ANK3: variants seen among roughly 807,000 people sequenced by gnomAD.
ANK3 encodes the protein ankyrin-3.
A neutral mutation model predicts 370.9 loss-of-function variants in ANK3; 57 were observed. That is an observed-to-expected ratio of 0.15 (90% CI 0.12 to 0.19). The LOEUF is 0.19. Among genes scored for constraint, ANK3 ranks in the 10% least tolerant of loss-of-function variants. ANK3 has a pLI of 1.00. For missense variants in ANK3, 4,439 were observed against 5,302.1 expected (o/e 0.84, Z 5.06); for synonymous variants, 1,929 against 1,946.3 (o/e 0.99, Z 0.23).
intron 1 of ANK3, among the ~76,000 whole-genome samples, chr10:60,689,435 T>C (rs993003435): frequency 5.3e-5 from 8 of 152,136 alleles, no homozygotes; most frequent in African/African-American, 1.7e-4. Flanking sequence ...ATTTATCAAA[T>C]GAAATCACTT....
chr10:60,202,311 G>A (rs970154496), intron 12 of ANK3, among the ~76,000 whole-genome samples: 1 of 151,506 alleles, frequency 6.6e-6, no homozygotes, highest in African/African-American at 2.4e-5. Context: ...TAGTAGAGAC[G>A]GGGGATTCTC....
intron 43 of ANK3, among the ~76,000 whole-genome samples, chr10:60,040,813 G>A (rs539238260): frequency 6.6e-6 from 1 of 152,234 alleles, no homozygotes; most frequent in African/African-American, 2.4e-5. Context: ...GAATATGATT[G>A]AACAAGCTGC....
intron 2 of ANK3, among the ~76,000 whole-genome samples, chr10:60,430,444 G>C (rs573005686): frequency 6.6e-6 from 1 of 151,628 alleles, no homozygotes; most frequent in African/African-American, 2.4e-5. Context: ...ACTCCAAACT[G>C]GCAGGGCTTC....
intron 1 of ANK3, among the ~76,000 whole-genome samples, chr10:60,705,553 C>T (rs541024254): frequency 6.6e-6 from 1 of 152,178 alleles, no homozygotes; most frequent in East Asian, 1.9e-4. Context: ...CTTAATTAAC[C>T]ATGACACTCA....
intron 14 of ANK3, among the ~76,000 whole-genome samples, chr10:60,197,985 AACC>A (rs1200879520): frequency 6.6e-6 from 1 of 152,228 alleles, no homozygotes; most frequent in African/African-American, 2.4e-5. Flanking sequence ...AGCATCTACC[AACC>A]GAGCTGTGAT....
At chr10:60,590,379 A>T (rs2077892850) in intron 2 of ANK3, among the ~76,000 whole-genome samples, 1 of 152,214 alleles carries the variant, frequency 6.6e-6, no homozygotes, top group Non-Finnish European at 1.5e-5. Flanking sequence ...ATTAGATTAA[A>T]ATGTTATTAA....
chr10:60,042,209 T>C (rs558991784), intron 43 of ANK3, among the ~76,000 whole-genome samples: 7 of 152,334 alleles, frequency 4.6e-5, no homozygotes, highest in African/African-American at 1.7e-4. Flanking sequence ...GATATGTCAG[T>C]CATTTAATTT....
intron 2 of ANK3, among the ~76,000 whole-genome samples, chr10:60,476,753 G>A (rs2075076334): frequency 6.6e-6 from 1 of 152,142 alleles, no homozygotes; most frequent in Non-Finnish European, 1.5e-5. Flanking sequence ...TTCATAGACT[G>A]TATCAACCTA....
chr10:60,407,019 A>C (rs1567014912), intron 2 of ANK3, among the ~76,000 whole-genome samples: 2 of 152,210 alleles, frequency 1.3e-5, no homozygotes. Context: ...ATAAATGGAA[A>C]TATATCATTT....
At chr10:60,199,049 A>C (rs983173234) in intron 13 of ANK3, among the ~76,000 whole-genome samples, 3 of 152,152 alleles carry the variant, frequency 2.0e-5, no homozygotes, top group Non-Finnish European at 4.4e-5. Flanking sequence ...GCAGGGGCTG[A>C]TGCCCTCTGC....
At chr10:60,394,131 G>A (rs990008219), upstream of ANK3, among the ~76,000 whole-genome samples, 2 of 148,542 alleles carry the variant, frequency 1.3e-5, no homozygotes, top group African/African-American at 2.5e-5. Context: ...AAAGAAATCC[G>A]GATCCACGAT....
chr10:60,699,673 C>G (rs1336399961), intron 1 of ANK3, among the ~76,000 whole-genome samples: 2 of 151,576 alleles, frequency 1.3e-5, no homozygotes, highest in Admixed American at 6.6e-5. Flanking sequence ...GATGTAATTC[C>G]ATACAGGAAG....
chr10:60,729,552 G>A (rs575256347), intron 1 of ANK3, among the ~76,000 whole-genome samples: 15 of 152,050 alleles, frequency 9.9e-5, no homozygotes, highest in African/African-American at 3.6e-4. Flanking sequence ...TATATGTTAG[G>A]GCCAATTTTT....
chr10:60,103,186 G>A (rs1010474842), intron 28 of ANK3, among the ~76,000 whole-genome samples: 6 of 152,074 alleles, frequency 3.9e-5, no homozygotes, highest in East Asian at 1.9e-4. Flanking sequence ...TCTTGACTTC[G>A]TGATCCACTT....
At chr10:60,109,649 G>A (rs1289730080) in intron 26 of ANK3, among the ~76,000 whole-genome samples, 1 of 152,074 alleles carries the variant, frequency 6.6e-6, no homozygotes, top group East Asian at 1.9e-4. Flanking sequence ...TATAAATATG[G>A]GCTTAAAAGC....
Position 60,354,032 on chromosome 10 carries a change from G to A in ANK3, c.114+35393C>T, listed in dbSNP as rs558011002. On this transcript the variant is annotated intron_variant, in intron 1 of 43. Coordinates refer to ENST00000280772, the MANE Select transcript of ANK3 (RefSeq NM_020987.5). ...GCCGTGTTGCCTCCTGCACAGCATT[G>A]TATACTATCTATCAAAGTTGAATAA... Among the ~76,000 whole-genome samples, 7 of 152,348 alleles carry A rather than the reference G, an allele frequency of 4.6e-5. No homozygotes were observed. The South Asian group carries it at 1.2e-3, about 27-fold the overall frequency.
intron 2 of ANK3, among the ~76,000 whole-genome samples, chr10:60,523,418 G>A (rs2076396879): frequency 7.9e-6 from 1 of 126,964 alleles, no homozygotes; most frequent in Admixed American, 1.0e-4. Flanking sequence ...AGTCCCCGGA[G>A]TGTGATGTTC....
At chr10:60,324,637 C>T (rs1345970975) in intron 1 of ANK3, among the ~76,000 whole-genome samples, 1 of 152,110 alleles carries the variant, frequency 6.6e-6, no homozygotes, top group Non-Finnish European at 1.5e-5. Context: ...AATGAGAAGC[C>T]CAGAGACCCG....
intron 25 of ANK3, among the ~76,000 whole-genome samples, chr10:60,133,119 T>A (rs2094178216): frequency 6.6e-6 from 1 of 152,230 alleles, no homozygotes. Context: ...AAAGTCTACC[T>A]ATTGCTTAAC....
Sources: gnomAD v4.1 joint callset for allele counts (sites outside exome capture counted in the v4.1 genomes callset) on GRCh38, gnomAD v4.1.1 for gene constraint, MANE v1.5 for transcripts, NCBI Gene and HGNC (gene_info 2026-07-23, HGNC 2026-07-21) for gene names.